The following CACNA1B variants were observed in gnomAD, a reference collection of about 807,000 sequenced individuals.
CACNA1B encodes the protein voltage-dependent N-type calcium channel subunit alpha-1B.
CACNA1B carries 70 observed loss-of-function variants against 247.2 expected under a neutral mutation model. That is an observed-to-expected ratio of 0.28 (90% CI 0.23 to 0.35). CACNA1B has a LOEUF of 0.35. Ranked by LOEUF, CACNA1B falls within the 10% of genes least tolerant of loss-of-function variation. The pLI, the probability that CACNA1B is intolerant of heterozygous loss-of-function variation, is 1.00. For missense variants in CACNA1B, 2,367 were observed against 3,197.4 expected, an observed-to-expected ratio of 0.74 and a Z score of 6.26; for synonymous variants, 1,231 against 1,294.4, an observed-to-expected ratio of 0.95 and a Z score of 1.05.
chr9:138,118,790 A>T, intron 44 of CACNA1B, 22 bp downstream of exon 44: 1 of 1,174,280 alleles, frequency 8.5e-7, no homozygotes, highest in Non-Finnish European at 1.2e-6. Flanking sequence ...GGGAGGGTCC[A>T]GGCCCTGGGC....
rs1959281067 is a variant in CACNA1B at position 138,051,562 on chromosome 9, C to T, written c.3711-530C>T. On this transcript the variant is annotated intron_variant, in intron 24 of 46. Transcript: ENST00000371372. This position sits in a 1 kb window ranked among gnomAD's most constrained non-coding sequence, Gnocchi z 4.3. ...CGTCCGACTTTTTCTCTTTCTTACT[C>T]TCCTTCCCCTCTTCTGTCTTCCCGC... is the stretch of plus-strand genomic sequence containing the variant. Among the ~76,000 whole-genome samples, 1 of 146,932 alleles carries T rather than the reference C, an allele frequency of 6.8e-6. No individual in the cohort carries two copies.
At chr9:138,013,048 A>G in intron 17 of CACNA1B, 81 bp from the exon 18 acceptor site, 2 of 1,008,410 alleles carry the variant, frequency 2.0e-6, no homozygotes, top group South Asian at 1.4e-5. Context: ...CCCTGGAGGA[A>G]GAGCTGATGT....
intron 31 of CACNA1B, among the ~76,000 whole-genome samples, chr9:138,065,963 G>A (rs1037514399): frequency 6.6e-6 from 1 of 152,166 alleles, no homozygotes; most frequent in African/African-American, 2.4e-5. Flanking sequence ...TCTGTCCAGT[G>A]AGCCACTCCC....
chr9:138,022,586 A>G (rs1031426160), intron 18 of CACNA1B, among the ~76,000 whole-genome samples: 1 of 152,114 alleles, frequency 6.6e-6, no homozygotes, highest in South Asian at 2.1e-4. Context: ...GCCAGCTCCC[A>G]GGGAGGCTAC....
chr9:137,983,066 G>A (rs1273397283), intron 12 of CACNA1B, among the ~76,000 whole-genome samples: 1 of 152,168 alleles, frequency 6.6e-6, no homozygotes, highest in Non-Finnish European at 1.5e-5. Context: ...CATATTCATC[G>A]TTCTCTCAGT....
rs1959254121 is a variant in CACNA1B at position 138,050,971 on chromosome 9, C to T, written c.3711-1121C>T. ...TCAGCCCCAAGTGTTGCTGGAGCCC[C>T]AGGAAGAGCACAGGGGGCAGGGCCA... On this transcript the variant is annotated intron_variant, in intron 24 of 46. Coordinates refer to ENST00000371372, the MANE Select transcript of CACNA1B (RefSeq NM_000718.4). The surrounding 1 kb of genome is among the most constrained non-coding windows in gnomAD (Gnocchi z 5.2). Among the ~76,000 whole-genome samples the T allele has an allele frequency of 6.6e-6, 1 of 152,134 alleles. No individual in the cohort carries two copies. Among genetic ancestry groups the T allele is most frequent in the South Asian group, 2.1e-4 (1 of 4,836 alleles).
rs1020511442 is a variant in CACNA1B at position 137,954,799 on chromosome 9, CGG to C, written c.1071-896_1071-895del. On this transcript the variant is annotated intron_variant, in intron 7 of 46. Coordinates refer to ENST00000371372, the MANE Select transcript of CACNA1B (RefSeq NM_000718.4). The surrounding 1 kb of genome is among the most constrained non-coding windows in gnomAD (Gnocchi z 4.1). ...CGGTCAGAGCCGGGGATTGTTGCAC[CGG>C]GGCTGTGTGTGCTGGGAGTCATACC... is the stretch of plus-strand genomic sequence containing the variant. Among the ~76,000 whole-genome samples the C allele has an allele frequency of 1.5e-4, 23 of 151,094 alleles. No individual in the cohort carries two copies. Among genetic ancestry groups the C allele is most frequent in the Admixed American group, 1.4e-3 (21 of 15,216 alleles).
chr9:137,975,303 G>C (rs947129524), intron 11 of CACNA1B, among the ~76,000 whole-genome samples: 1 of 152,178 alleles, frequency 6.6e-6, no homozygotes, highest in East Asian at 1.9e-4. Context: ...TGGCAGCCTC[G>C]TGCTGGAGAG....
intron 34 of CACNA1B, among the ~76,000 whole-genome samples, chr9:138,074,938 C>T (rs902749016): frequency 2.6e-5 from 4 of 152,220 alleles, no homozygotes; most frequent in East Asian, 1.9e-4. Context: ...CGGATCCTTG[C>T]GCTGGGCAAA....
intron 20 of CACNA1B, among the ~76,000 whole-genome samples, chr9:138,036,894 T>G (rs1485694217): frequency 6.6e-6 from 1 of 152,232 alleles, no homozygotes; most frequent in Non-Finnish European, 1.5e-5. Context: ...ATTATTACAC[T>G]TAGCAATGTT....
chr9:138,043,688 C>G, intron 20 of CACNA1B, 86 bp from the exon 21 acceptor site: 1 of 1,512,988 alleles, frequency 6.6e-7, no homozygotes. Flanking sequence ...ACGCAAGTGC[C>G]GGGGGCATGG....
intron 11 of CACNA1B, among the ~76,000 whole-genome samples, chr9:137,972,798 G>T (rs1001806163): frequency 3.9e-5 from 6 of 152,198 alleles, no homozygotes; most frequent in Non-Finnish European, 8.8e-5. Flanking sequence ...GTGCGGAGGG[G>T]CAGAAGCAAA....
chr9:137,944,458 C>CAGT (rs1957771290), intron 6 of CACNA1B, among the ~76,000 whole-genome samples: 1 of 152,132 alleles, frequency 6.6e-6, no homozygotes, highest in Admixed American at 6.5e-5. Context: ...GTTATAGTCC[C>CAGT]AATTAGGATC....
rs117984085 is a variant in CACNA1B at position 138,019,821 on chromosome 9, G to A, written c.2268-3190G>A. 1.9e-3 allele frequency among the ~76,000 whole-genome samples: 295 copies of A among 152,208 alleles called. 5 individuals carry two copies. The East Asian group carries it at 0.047, about 24-fold the overall frequency. On this transcript the variant is annotated intron_variant, in intron 18 of 46. Coordinates refer to ENST00000371372, the MANE Select transcript of CACNA1B (RefSeq NM_000718.4). ...AAGATGTAAGATGCAGATGGTGGCC[G>A]GGCGCGCTGGCTCACACCTGTAATC... is the stretch of plus-strand genomic sequence containing the variant.
At chr9:138,034,449 G>GT (rs566090688) in intron 20 of CACNA1B, among the ~76,000 whole-genome samples, 2,226 of 135,120 alleles carry the variant, frequency 0.016, 27 homozygotes, top group African/African-American at 0.043. Flanking sequence ...TAGGGTCATA[G>GT]TTTTTTTTTT....
chr9:138,081,664 T>A (rs1044555716), intron 36 of CACNA1B, among the ~76,000 whole-genome samples: 3 of 151,192 alleles, frequency 2.0e-5, no homozygotes, highest in African/African-American at 7.4e-5. Flanking sequence ...TTAAGTATTT[T>A]AGTCTCTGTG....
chr9:138,085,488 T>C (rs1363320798), intron 36 of CACNA1B, among the ~76,000 whole-genome samples: 1 of 151,172 alleles, frequency 6.6e-6, no homozygotes, highest in Non-Finnish European at 1.5e-5. Context: ...GCTGGAAAAT[T>C]CCCAAGTCTG....
At chr9:137,924,578 A>G (rs1001180334) in intron 6 of CACNA1B, among the ~76,000 whole-genome samples, 4 of 152,168 alleles carry the variant, frequency 2.6e-5, no homozygotes, top group African/African-American at 9.7e-5. Flanking sequence ...TATGTTTTGA[A>G]GTCAGGTTAG....
At position 137,954,650 on chromosome 9, in the gene CACNA1B, T is replaced by A. The variant is rs1373212812; in HGVS notation, c.1071-1048T>A. The stretch of plus-strand genomic sequence containing the variant: ...GGCCACAGTGGACCCTGCCTTCCTG[T>A]AGATTTGGGACTTGGGATGCCCAGA... On this transcript the variant is annotated intron_variant, in intron 7 of 46. Transcript: ENST00000371372. The surrounding 1 kb of genome is among the most constrained non-coding windows in gnomAD (Gnocchi z 4.1). 6.6e-6 allele frequency among the ~76,000 whole-genome samples: 1 copy of A among 152,030 alleles called. No individual in the cohort carries two copies. The highest frequency in any genetic ancestry group is 2.4e-5 in the African/African-American group (1 of 41,392).
Sources: gnomAD v4.1 joint callset for allele counts (sites outside exome capture counted in the v4.1 genomes callset) on GRCh38, gnomAD v4.1.1 for gene constraint, Gnocchi (gnomAD v3.1) non-coding constraint, MANE v1.5 for transcripts, NCBI Gene and HGNC (gene_info 2026-07-23, HGNC 2026-07-21) for gene names.